The following PKHD1 variants were observed in gnomAD, a reference collection of about 807,000 sequenced individuals.
The protein encoded by PKHD1 is PKHD1 ciliary IPT domain containing fibrocystin/polyductin, also known as fibrocystin.
A neutral mutation model predicts 412.0 loss-of-function variants in PKHD1; 291 were observed. The ratio of observed to expected loss-of-function variants is 0.71; its 90% CI spans 0.64 to 0.78. PKHD1 has a LOEUF of 0.78. Ranked by LOEUF, PKHD1 falls within the 30% of genes least tolerant of loss-of-function variation. PKHD1 has a pLI of 0.00. For synonymous variants in PKHD1, 1,777 were observed against 1,821.5 expected, an observed-to-expected ratio of 0.98 and a Z score of 0.62; for missense variants, 4,825 against 4,950.7, an observed-to-expected ratio of 0.97 and a Z score of 0.76.
intron 35 of PKHD1, among the ~76,000 whole-genome samples, chr6:51,982,168 C>A: frequency 2.2e-5 from 1 of 46,320 alleles, no homozygotes; most frequent in Non-Finnish European, 4.8e-5. Flanking sequence ...CGGCAGCCAC[C>A]CCGTCCGGGA....
At chr6:51,702,125 C>T (rs1001140822) in intron 60 of PKHD1, among the ~76,000 whole-genome samples, 2 of 103,102 alleles carry the variant, frequency 1.9e-5, no homozygotes, top group Non-Finnish European at 4.5e-5. Context: ...GCCCATCAAT[C>T]GAATGGATAA....
chr6:51,623,738 C>T (rs1766911469), intron 66 of PKHD1, among the ~76,000 whole-genome samples: 1 of 152,116 alleles, frequency 6.6e-6, no homozygotes, highest in African/African-American at 2.4e-5. Flanking sequence ...CATGTGCCAC[C>T]ACACCCAGCT....
chr6:51,932,043 G>T (rs1277371240), intron 37 of PKHD1, among the ~76,000 whole-genome samples: 1 of 152,132 alleles, frequency 6.6e-6, no homozygotes, highest in Non-Finnish European at 1.5e-5. Flanking sequence ...AGCAGAGGGA[G>T]AGGAGGTCTC....
chr6:51,676,124 T>C (rs1775800553), intron 60 of PKHD1, among the ~76,000 whole-genome samples: 1 of 151,570 alleles, frequency 6.6e-6, no homozygotes, highest in Non-Finnish European at 1.5e-5. Context: ...TTCTAACATA[T>C]ATTAACTTTG....
chr6:51,924,922 C>T (rs978625473), intron 37 of PKHD1, among the ~76,000 whole-genome samples: 5 of 152,186 alleles, frequency 3.3e-5, no homozygotes, highest in African/African-American at 1.2e-4. Flanking sequence ...GTGGTAAGTA[C>T]ATTACATGTT....
chr6:51,655,871 C>T (rs565582193), intron 61 of PKHD1, among the ~76,000 whole-genome samples: 1 of 152,282 alleles, frequency 6.6e-6, no homozygotes, highest in East Asian at 1.9e-4. Context: ...GAAATAGGAA[C>T]ACTTTTACAC....
chr6:51,654,095 C>T (rs942020288), intron 61 of PKHD1, among the ~76,000 whole-genome samples: 1 of 152,118 alleles, frequency 6.6e-6, no homozygotes, highest in Non-Finnish European at 1.5e-5. Flanking sequence ...GTAAAACAGG[C>T]TACCTTTCAC....
At chr6:51,978,013 A>T (rs897256466) in intron 35 of PKHD1, among the ~76,000 whole-genome samples, 2 of 152,224 alleles carry the variant, frequency 1.3e-5, no homozygotes, top group Non-Finnish European at 2.9e-5. Context: ...AGCCATTCAG[A>T]GAGAGTTGCA....
chr6:51,748,046 T>A lies in PKHD1; in HGVS notation c.9570A>T (p.Gln3190His). ...LAVVYVFSAP[Q>H]NSVKKVQIVL... ...CAATCTGCACTTTTTTGACGGAATT[T>A]TGTGGAGCAGAAAATACATACACTA... Residue 3190 changes from glutamine to histidine, a missense_variant, in exon 58 of 67, where the codon CAA becomes CAT. Transcript: ENST00000371117. The A allele has an allele frequency of 6.2e-7, 1 of 1,614,106 alleles. No homozygotes were observed. Among genetic ancestry groups the A allele is most frequent in the Non-Finnish European group, 8.5e-7 (1 of 1,179,986 alleles).
chr6:51,891,269 TTTTG>T (rs746728385), intron 43 of PKHD1, among the ~76,000 whole-genome samples: 13 of 152,144 alleles, frequency 8.5e-5, no homozygotes, highest in South Asian at 4.1e-4. Context: ...GGTTTTGTTT[TTTTG>T]TTTGTTTGTT....
Position 51,870,618 on chromosome 6 carries a change from C to T in PKHD1, c.7372G>A (p.Gly2458Arg). ...TCCCATCTTTTAGGAGTTTTAATCC[C>T]AGATGACATACACAGACTTCCCTGT... is the stretch of plus-strand genomic sequence containing the variant. ...AHKGSLCMSS[G>R]IKTPKRWELM... Residue 2458 changes from glycine (G) to arginine (R), a missense_variant, in exon 47 of 67, where the codon GGG becomes AGG. Physicochemically the swap from Gly to Arg is moderately radical, Grantham distance 125. Coordinates refer to ENST00000371117, the MANE Select transcript of PKHD1 (RefSeq NM_138694.4). The T allele has an allele frequency of 2.5e-6, 4 of 1,610,366 alleles. No homozygotes were observed. Among genetic ancestry groups the T allele is most frequent in the Non-Finnish European group, 3.4e-6 (4 of 1,176,844 alleles).
At chr6:52,005,509 C>T (rs926693958) in intron 35 of PKHD1, among the ~76,000 whole-genome samples, 2 of 152,202 alleles carry the variant, frequency 1.3e-5, no homozygotes, top group African/African-American at 4.8e-5. Flanking sequence ...AATGCCTTTC[C>T]TCTGCATGCT....
chr6:51,981,342 T>C (rs1176739742), intron 35 of PKHD1, among the ~76,000 whole-genome samples: 145 of 40,892 alleles, frequency 3.5e-3, no homozygotes, highest in Middle Eastern at 9.8e-3. Context: ...TCCCTCTCCC[T>C]CTCCCTCTCC....
intron 52 of PKHD1, among the ~76,000 whole-genome samples, chr6:51,795,659 T>A (rs764282278): frequency 6.6e-6 from 1 of 152,222 alleles, no homozygotes; most frequent in Non-Finnish European, 1.5e-5. Flanking sequence ...ATATTGGCTA[T>A]GAGTTTGTCA....
intron 52 of PKHD1, among the ~76,000 whole-genome samples, chr6:51,802,396 G>A (rs1763066906): frequency 6.6e-6 from 1 of 151,488 alleles, no homozygotes; most frequent in South Asian, 2.1e-4. Context: ...CATTGTTAAT[G>A]AATTCTAACT....
chr6:51,893,953 G>A (rs150522103), intron 43 of PKHD1, among the ~76,000 whole-genome samples: 1 of 152,290 alleles, frequency 6.6e-6, no homozygotes. Flanking sequence ...TCCTAAACAG[G>A]GGTCTGGTTA....
intron 61 of PKHD1, among the ~76,000 whole-genome samples, chr6:51,654,605 A>G (rs1771510956): frequency 6.6e-6 from 1 of 151,710 alleles, no homozygotes; most frequent in Admixed American, 6.6e-5. Context: ...CAACAGCAAC[A>G]ATAGATTACA....
intron 31 of PKHD1, 123 bp downstream of exon 31, chr6:52,027,706 A>T: frequency 1.3e-6 from 1 of 748,952 alleles, no homozygotes; most frequent in Non-Finnish European, 2.4e-6. Flanking sequence ...GAGCCCGAGG[A>T]AAGTTTCTCT....
intron 8 of PKHD1, 47 bp downstream of exon 8, chr6:52,072,068 G>T: frequency 1.9e-6 from 2 of 1,061,140 alleles, no homozygotes; most frequent in Non-Finnish European, 3.0e-6. Flanking sequence ...GTATCCATGT[G>T]GACGAACTTA....
Sources: allele counts gnomAD v4.1 joint callset (sites outside exome capture counted in the v4.1 genomes callset), GRCh38; gene constraint gnomAD v4.1.1; transcripts MANE v1.5; gene names NCBI Gene and HGNC (gene_info 2026-07-23, HGNC 2026-07-21).